The following ARHGEF26 variants were observed in gnomAD, a reference collection of about 807,000 sequenced individuals.
ARHGEF26 encodes Rho guanine nucleotide exchange factor 26.
A neutral mutation model predicts 89.4 loss-of-function variants in ARHGEF26; 59 were observed. The ratio of observed to expected loss-of-function variants is 0.66; its 90% CI spans 0.54 to 0.82. The LOEUF (loss-of-function observed/expected upper bound fraction) is 0.82, where lower values mean the gene tolerates loss of function less well. Among genes scored for constraint, ARHGEF26 ranks in the 40% least tolerant of loss-of-function variants. The pLI is 0.00. For synonymous variants in ARHGEF26, 500 were observed against 428.4 expected (o/e 1.17, Z -2.06); for missense variants, 1,234 against 1,085.6 (o/e 1.14, Z -1.92).
intron 12 of ARHGEF26, among the ~76,000 whole-genome samples, chr3:154,249,131 A>AT (rs1403331415): frequency 2.0e-5 from 3 of 152,128 alleles, no homozygotes; most frequent in African/African-American, 2.4e-5. Context: ...ACTAAGGGCT[A>AT]TTTTTTTCTA....
Position 154,255,703 on chromosome 3 carries a change from TACACAGAATAG to T in ARHGEF26, c.*231_*241del. 7.4e-7 allele frequency: 1 copy of T among 1,345,508 alleles called. No individual in the cohort carries two copies. The highest frequency in any genetic ancestry group is 9.5e-7 in the Non-Finnish European group (1 of 1,053,944). The allele number at this position is 1,345,508 out of a possible 1,614,324, so 83.3% of individuals were successfully genotyped here. ...CCACACACTTGCAGACCTCCTGAGG[TACACAGAATAG>T]CTGAGCAGTTCACTTCAGGGATCAG... On this transcript the variant is annotated 3_prime_UTR_variant, in exon 15 of 15. Transcript: ENST00000465093.
chr3:154,166,691 G>A (rs1712064124), intron 6 of ARHGEF26, among the ~76,000 whole-genome samples: 1 of 152,104 alleles, frequency 6.6e-6, no homozygotes, highest in South Asian at 2.1e-4. Flanking sequence ...TTTTTCTTGT[G>A]AGCAGTGTGT....
intron 10 of ARHGEF26, among the ~76,000 whole-genome samples, chr3:154,224,323 A>G (rs1368501826): frequency 6.6e-6 from 1 of 152,214 alleles, no homozygotes; most frequent in Non-Finnish European, 1.5e-5. Flanking sequence ...GCTTTTGTCA[A>G]TTTTAGGTGT....
intron 13 of ARHGEF26, among the ~76,000 whole-genome samples, chr3:154,253,638 A>G (rs547574493): frequency 6.6e-6 from 1 of 152,318 alleles, no homozygotes; most frequent in East Asian, 1.9e-4. Context: ...CTAAAAGAAA[A>G]TTACCTAAGA....
chr3:154,231,050 C>G (rs757609650), intron 11 of ARHGEF26, among the ~76,000 whole-genome samples: 1 of 152,052 alleles, frequency 6.6e-6, no homozygotes, highest in Admixed American at 6.5e-5. Flanking sequence ...AGAATAAACT[C>G]GTTCCTAGGG....
Position 154,224,622 on chromosome 3 carries a change from G to T in ARHGEF26, c.1936-1234G>T, listed in dbSNP as rs191778429. 1.2e-4 allele frequency among the ~76,000 whole-genome samples: 18 copies of T among 152,258 alleles called. 1 individual carries two copies. Among genetic ancestry groups the T allele is most frequent in the Admixed American group, 1.2e-3 (18 of 15,300 alleles). On this transcript the variant is annotated intron_variant, in intron 10 of 14. Transcript: ENST00000465093. ...TCTTGTATGTGCTGCCTAGTCTGCC[G>T]GAGTTATCTAAGCAATCTGTCGACC...
At chr3:154,157,334 T>G (rs1222810287) in intron 6 of ARHGEF26, among the ~76,000 whole-genome samples, 1 of 152,130 alleles carries the variant, frequency 6.6e-6, no homozygotes, top group African/African-American at 2.4e-5. Context: ...TAGGGCACTT[T>G]CCTTGAAATG....
chr3:154,232,409 TTGAGGAAC>T (rs1716879719), intron 11 of ARHGEF26, among the ~76,000 whole-genome samples: 1 of 152,212 alleles, frequency 6.6e-6, no homozygotes, highest in Admixed American at 6.5e-5. Context: ...CAGAATTAGC[TTGAGGAAC>T]TGAGCAAGTA....
intron 14 of ARHGEF26, 59 bp downstream of exon 14, chr3:154,254,883 C>T (rs1444382943): frequency 3.6e-6 from 5 of 1,391,068 alleles, no homozygotes; most frequent in Non-Finnish European, 5.0e-6. Context: ...GCTATAGACC[C>T]GAGGAGTGTC....
intron 4 of ARHGEF26, among the ~76,000 whole-genome samples, chr3:154,130,770 G>A (rs1189960130): frequency 6.6e-6 from 1 of 152,198 alleles, no homozygotes; most frequent in Non-Finnish European, 1.5e-5. Context: ...TCAAAAACAA[G>A]CCAGTACACC....
intron 4 of ARHGEF26, among the ~76,000 whole-genome samples, chr3:154,140,769 C>T (rs566137787): frequency 1.1e-4 from 16 of 151,740 alleles, no homozygotes; most frequent in African/African-American, 3.9e-4. Context: ...TTAATAGAGA[C>T]AGGGTTTTGT....
At chr3:154,163,590 C>T (rs911228731) in intron 6 of ARHGEF26, among the ~76,000 whole-genome samples, 7 of 152,122 alleles carry the variant, frequency 4.6e-5, no homozygotes, top group African/African-American at 1.4e-4. Flanking sequence ...GTGTACATCA[C>T]CCATGGAGCT....
intron 6 of ARHGEF26, among the ~76,000 whole-genome samples, chr3:154,177,926 G>C (rs1299348832): frequency 1.3e-5 from 2 of 152,214 alleles, no homozygotes; most frequent in African/African-American, 4.8e-5. Flanking sequence ...TTATTGGCCA[G>C]GTACAGTGGC....
chr3:154,197,425 C>T (rs1714361685), intron 9 of ARHGEF26, among the ~76,000 whole-genome samples: 1 of 152,052 alleles, frequency 6.6e-6, no homozygotes, highest in African/African-American at 2.4e-5. Flanking sequence ...CACTTGTTTG[C>T]TTTATCAGAG....
chr3:154,121,837 G>GT (rs1717944209), intron 1 of ARHGEF26, 105 bp from the exon 2 acceptor site: 1 of 1,028,972 alleles, frequency 9.7e-7, no homozygotes, highest in African/African-American at 1.6e-5. Context: ...CGGTGCAGTC[G>GT]TGTCCTGCGC....
At position 154,191,850 on chromosome 3, in the gene ARHGEF26, G is replaced by A. The variant is rs898442756; in HGVS notation, c.1770+432G>A. ...GCCCTGGGCCTTCCATTTCATACAG[G>A]AATGAGAGTCTCTTCAGCATGACAA... On this transcript the variant is annotated intron_variant, in intron 8 of 14. Coordinates refer to ENST00000465093, the MANE Select transcript of ARHGEF26 (RefSeq NM_015595.4). Among the ~76,000 whole-genome samples, 6 of 152,266 alleles carry A rather than the reference G, an allele frequency of 3.9e-5. No individual in the cohort carries two copies. In the East Asian group the frequency reaches 5.8e-4, roughly 15 times the overall value.
rs572868972 is a variant in ARHGEF26, at chr3:154,152,693, T to C, written c.1327-79T>C. 4 of 1,141,680 alleles carry C rather than the reference T, an allele frequency of 3.5e-6. No homozygotes were observed. The South Asian group carries it at 1.1e-4, about 32-fold the overall frequency. The allele number at this position is 1,141,680 out of a possible 1,614,324, so 70.7% of individuals were successfully genotyped here. A position where few individuals can be genotyped will look rare whatever the true frequency, so the allele number is the denominator to read the frequency against. On this transcript the variant is annotated intron_variant, in intron 5 of 14. Transcript: ENST00000465093. ...TGAAAAGTGGAGTATCTTGTTATTC[T>C]TACAGCAAAATTATGAGAGCTATAT...
chr3:154,240,602 T>C lies in ARHGEF26; in HGVS notation c.2300+23T>C, dbSNP rs376659708. On this transcript the variant is annotated intron_variant, in intron 12 of 14. Coordinates refer to ENST00000465093, the MANE Select transcript of ARHGEF26 (RefSeq NM_015595.4). The stretch of plus-strand genomic sequence containing the variant: ...GCAGTAAGTATATGTGGGGAAAAGA[T>C]TGGAATAGCTGATAGTATCTCCCTG... 96 of 1,573,666 alleles carry C rather than the reference T, an allele frequency of 6.1e-5. No individual in the cohort carries two copies. The African/African-American group carries it at 7.0e-4, about 11-fold the overall frequency.
At position 154,122,166 on chromosome 3, in the gene ARHGEF26, G is replaced by A; in HGVS notation, c.174G>A (p.Thr58=). 2 of 1,598,466 alleles carry A rather than the reference G, an allele frequency of 1.3e-6. No homozygotes were observed. The highest frequency in any genetic ancestry group is 1.7e-6 in the Non-Finnish European group (2 of 1,172,654). Reference sequence around the variant, plus strand: ...ATTTCCCGGTGGAGGACGGAGGGACGCTCCTCGCAGCGCAGATTCCCGCCC... The same window carrying A: ...ATTTCCCGGTGGAGGACGGAGGGACACTCCTCGCAGCGCAGATTCCCGCCC... The part of the protein sequence containing the change: ...ITDFPVEDGG[T]LLAAQIPAQV... The change falls in exon 2 of 15, where the codon ACG becomes ACA. Residue 58 remains threonine (T), a synonymous_variant. Coordinates refer to ENST00000465093, the MANE Select transcript of ARHGEF26 (RefSeq NM_015595.4).
Sources: allele counts gnomAD v4.1 joint callset (sites outside exome capture counted in the v4.1 genomes callset), GRCh38; gene constraint gnomAD v4.1.1; transcripts MANE v1.5; gene names NCBI Gene and HGNC (gene_info 2026-07-23, HGNC 2026-07-21).